WAC: variants seen among roughly 807,000 people sequenced by gnomAD.
The protein encoded by WAC is WW domain-containing adapter protein with coiled-coil.
Under a neutral mutation model 79.6 loss-of-function variants are expected in WAC, and 11 were observed. The ratio of observed to expected loss-of-function variants is 0.14; its 90% confidence interval spans 0.09 to 0.23. WAC has a LOEUF of 0.23. WAC is among the 10% of genes least tolerant of loss of function. The pLI is 1.00. For synonymous variants in WAC, 304 were observed against 276.9 expected (o/e 1.10, Z -0.97); for missense variants, 728 against 773.5 (o/e 0.94, Z 0.70).
intron 3 of WAC, among the ~76,000 whole-genome samples, chr10:28,567,770 A>G (rs1838728243): frequency 6.6e-6 from 1 of 152,082 alleles, no homozygotes; most frequent in Non-Finnish European, 1.5e-5. Flanking sequence ...CTTTCTTTAA[A>G]TGGAGATGAG....
chr10:28,550,552 G>A (rs1837610417), intron 3 of WAC, among the ~76,000 whole-genome samples: 1 of 152,076 alleles, frequency 6.6e-6, no homozygotes, highest in Admixed American at 6.5e-5. Context: ...GTGTGGAGGG[G>A]GGTCTGGTGT....
intron 4 of WAC, among the ~76,000 whole-genome samples, chr10:28,584,753 GATA>G (rs1283121441): frequency 6.6e-6 from 1 of 152,118 alleles, no homozygotes; most frequent in African/African-American, 2.4e-5. Flanking sequence ...GAGACATTAG[GATA>G]ATATTTGGAT....
At chr10:28,599,765 T>C (rs1218181695) in intron 7 of WAC, among the ~76,000 whole-genome samples, 1 of 152,164 alleles carries the variant, frequency 6.6e-6, no homozygotes, top group Admixed American at 6.5e-5. Flanking sequence ...AGCTCTTTTA[T>C]TTTTGCAGAG....
chr10:28,574,101 G>A (rs572459665), intron 3 of WAC, among the ~76,000 whole-genome samples: 1 of 134,946 alleles, frequency 7.4e-6, no homozygotes, highest in South Asian at 2.6e-4. Flanking sequence ...TTGTCAATTG[G>A]TAAACATTTG....
At chr10:28,541,453 G>T (rs2132350260) in intron 3 of WAC, among the ~76,000 whole-genome samples, 1 of 103,432 alleles carries the variant, frequency 9.7e-6, no homozygotes, top group Admixed American at 1.5e-4. Context: ...TTTTAAGACA[G>T]TCTCACTCTG....
rs1044636272 is a variant in WAC at position 28,586,330 on chromosome 10, C to T, written c.381+2825C>T. Among the ~76,000 whole-genome samples, 8 of 152,080 alleles carry T rather than the reference C, an allele frequency of 5.3e-5. No individual in the cohort carries two copies. In the East Asian group the frequency reaches 1.5e-3, roughly 29 times the overall value. On this transcript the variant is annotated intron_variant, in intron 4 of 13. Coordinates refer to ENST00000354911, the MANE Select transcript of WAC (RefSeq NM_016628.5). ...TATTGTGGGGTGTTTACCGCAGAGC[C>T]TGGCTTATGGTAAAGATTAGGAAAA...
At chr10:28,584,600 T>C (rs971190469) in intron 4 of WAC, among the ~76,000 whole-genome samples, 1 of 152,162 alleles carries the variant, frequency 6.6e-6, no homozygotes, top group Non-Finnish European at 1.5e-5. Flanking sequence ...ATGAGAAGGC[T>C]GACAAAGGTG....
chr10:28,601,349 A>C (rs1840638118), intron 7 of WAC, among the ~76,000 whole-genome samples: 1 of 152,172 alleles, frequency 6.6e-6, no homozygotes, highest in Non-Finnish European at 1.5e-5. Flanking sequence ...TGCAATTCAA[A>C]AGCCATAATG....
At position 28,620,864 on chromosome 10, in the gene WAC, A is replaced by G. The variant is rs939161521; in HGVS notation, c.*1258A>G. The G allele has an allele frequency of 6.6e-6, 1 of 152,232 alleles. No homozygotes were observed. The highest frequency in any genetic ancestry group is 1.5e-5 in the Non-Finnish European group (1 of 68,034). The allele number at this position is 152,232 out of a possible 1,614,324, so 9.4% of individuals were successfully genotyped here. ...AAGTCTGGTGCTGACTGCTGTTCTT[A>G]GCCATCACAAAACGCTAAATTTGTG... On this transcript the variant is annotated 3_prime_UTR_variant, in exon 14 of 14. Coordinates refer to ENST00000354911, the MANE Select transcript of WAC (RefSeq NM_016628.5).
rs151334090 is a variant in WAC, at chr10:28,583,448, T to C, written c.324T>C (p.His108=). Reference sequence around the variant, plus strand: ...ATTCACACAACCACAGTGCTCTTCATAGTTCAAATTCACATTCTTCTAATC... The same window carrying C: ...ATTCACACAACCACAGTGCTCTTCACAGTTCAAATTCACATTCTTCTAATC... ...QENSHNHSAL[H]SSNSHSSNPS... The change falls in exon 4 of 14, where the codon CAT becomes CAC. Residue 108 remains histidine (H), a synonymous_variant. Coordinates refer to ENST00000354911, the MANE Select transcript of WAC (RefSeq NM_016628.5). 1.8e-4 allele frequency: 292 copies of C among 1,600,278 alleles called. No homozygotes were observed. The highest frequency in any genetic ancestry group is 2.3e-4 in the Non-Finnish European group (274 of 1,174,906).
intron 3 of WAC, among the ~76,000 whole-genome samples, chr10:28,582,486 C>G (rs1839589352): frequency 2.0e-5 from 3 of 152,032 alleles, no homozygotes; most frequent in Admixed American, 2.0e-4. Flanking sequence ...CTGATAATTC[C>G]TGGACCACTG....
chr10:28,575,779 A>G (rs575000341), intron 3 of WAC, among the ~76,000 whole-genome samples: 6 of 152,326 alleles, frequency 3.9e-5, no homozygotes, highest in Non-Finnish European at 8.8e-5. Flanking sequence ...ACTTTCTGGT[A>G]GTGTCTTTTC....
chr10:28,541,415 G>GTGTGT (rs1212601285), intron 3 of WAC, among the ~76,000 whole-genome samples: 10 of 37,904 alleles, frequency 2.6e-4, no homozygotes, highest in South Asian at 1.2e-3. Context: ...GTGTGTGTGT[G>GTGTGT]TTTTGTTTTT....
intron 3 of WAC, among the ~76,000 whole-genome samples, chr10:28,553,879 T>C (rs1190578176): frequency 6.6e-6 from 1 of 152,170 alleles, no homozygotes; most frequent in African/African-American, 2.4e-5. Context: ...AGATTTTTTT[T>C]CTCTTTTGAG....
chr10:28,616,819 T>A (rs1841488972), intron 12 of WAC, among the ~76,000 whole-genome samples: 1 of 152,240 alleles, frequency 6.6e-6, no homozygotes, highest in South Asian at 2.1e-4. Context: ...GGCTCATACC[T>A]GTAATCCCAA....
intron 3 of WAC, among the ~76,000 whole-genome samples, chr10:28,550,347 C>T (rs1454760261): frequency 1.3e-5 from 2 of 151,078 alleles, no homozygotes; most frequent in Non-Finnish European, 2.9e-5. Flanking sequence ...CAAAATTGTC[C>T]TCTCTCCACT....
At chr10:28,563,560 A>G (rs1163812501) in intron 3 of WAC, among the ~76,000 whole-genome samples, 1 of 151,776 alleles carries the variant, frequency 6.6e-6, no homozygotes, top group African/African-American at 2.4e-5. Context: ...GAGATTTAGT[A>G]TACAGTGGGT....
intron 3 of WAC, among the ~76,000 whole-genome samples, chr10:28,579,346 A>T (rs1040419994): frequency 2.6e-5 from 4 of 152,084 alleles, no homozygotes; most frequent in African/African-American, 9.7e-5. Context: ...TACAGTAAAA[A>T]GTACCCTTTA....
chr10:28,582,999 A>G (rs1006919774), intron 3 of WAC, among the ~76,000 whole-genome samples: 33 of 152,346 alleles, frequency 2.2e-4, no homozygotes, highest in African/African-American at 7.9e-4. Flanking sequence ...TTGCAAAAAC[A>G]TACTGATAAC....
Sources: allele counts gnomAD v4.1 joint callset (sites outside exome capture counted in the v4.1 genomes callset), GRCh38; gene constraint gnomAD v4.1.1; transcripts MANE v1.5; gene names NCBI Gene and HGNC (gene_info 2026-07-23, HGNC 2026-07-21).